The following EPB41L3 variants were observed in gnomAD, a reference collection of about 807,000 sequenced individuals.
EPB41L3 encodes the protein erythrocyte membrane protein band 4.1 like 3.
A neutral mutation model predicts 127.1 loss-of-function variants in EPB41L3; 57 were observed. That is an observed-to-expected ratio of 0.45 (90% CI 0.36 to 0.56). The LOEUF is 0.56. EPB41L3 is among the 20% of genes least tolerant of loss of function. The probability of loss-of-function intolerance (pLI) is 0.00; values close to 1 mark genes in which losing one functional copy is unlikely to be tolerated. For missense variants in EPB41L3, 1,273 were observed against 1,372.2 expected, an observed-to-expected ratio of 0.93 and a Z score of 1.14; for synonymous variants, 572 against 549.5, an observed-to-expected ratio of 1.04 and a Z score of -0.57.
At chr18:5,591,435 G>T (rs2094485159) in intron 3 of EPB41L3, among the ~76,000 whole-genome samples, 1 of 152,160 alleles carries the variant, frequency 6.6e-6, no homozygotes, top group Non-Finnish European at 1.5e-5. Flanking sequence ...GGGTGAGGGG[G>T]TTCCCTTGGG....
At chr18:5,478,096 C>T in intron 3 of EPB41L3, 145 bp downstream of exon 3, 1 of 630,274 alleles carries the variant, frequency 1.6e-6, no homozygotes. Context: ...CTGTTACAGA[C>T]TAGGGAAATA....
At chr18:5,521,446 C>T (rs774418415) in intron 1 of EPB41L3, 3 of 152,292 alleles carry the variant, frequency 2.0e-5, no homozygotes, top group Non-Finnish European at 2.9e-5. Context: ...GTCAGGGTCA[C>T]GTGTGTCACT....
intron 18 of EPB41L3, 104 bp from the exon 19 acceptor site, chr18:5,396,436 A>C (rs2073481828): frequency 7.4e-7 from 1 of 1,343,560 alleles, no homozygotes; most frequent in African/African-American, 1.5e-5. Context: ...TTAGTATGCT[A>C]TAAATGTTTA....
chr18:5,467,418 A>T (rs2085198482), intron 3 of EPB41L3: 1 of 152,204 alleles, frequency 6.6e-6, no homozygotes, highest in South Asian at 2.1e-4. Flanking sequence ...ACAGGATCTG[A>T]GCCCCTTTTC....
At chr18:5,400,998 G>GCT (rs1194061532) in intron 16 of EPB41L3, 1 of 1,533,988 alleles carries the variant, frequency 6.5e-7, no homozygotes, top group Non-Finnish European at 8.7e-7. Context: ...GCGCTTCCTT[G>GCT]CTGCAAAAAT....
upstream of EPB41L3, among the ~76,000 whole-genome samples, chr18:5,547,553 C>G (rs140762042): frequency 1.9e-3 from 285 of 152,226 alleles, 4 homozygotes; most frequent in Admixed American, 9.9e-3. Context: ...TTTCTCTACG[C>G]TAATCTTATT....
upstream of EPB41L3, among the ~76,000 whole-genome samples, chr18:5,629,286 G>A (rs2094960017): frequency 6.6e-6 from 1 of 152,022 alleles, no homozygotes; most frequent in Non-Finnish European, 1.5e-5. Flanking sequence ...CCGGCAGCGC[G>A]GAGTTGCCGG....
chr18:5,495,596 T>C (rs970668517), intron 1 of EPB41L3, among the ~76,000 whole-genome samples: 1 of 146,238 alleles, frequency 6.8e-6, no homozygotes, highest in East Asian at 1.9e-4. Flanking sequence ...AAAGAACACT[T>C]GTCTGATTAA....
intron 1 of EPB41L3, among the ~76,000 whole-genome samples, chr18:5,624,926 T>C (rs2094905503): frequency 6.6e-6 from 1 of 151,994 alleles, no homozygotes; most frequent in Non-Finnish European, 1.5e-5. Flanking sequence ...GAGGTGGTGT[T>C]TGAGTGCAGG....
In EPB41L3 at chr18:5,416,339, G is replaced by T; in HGVS notation, c.1546C>A (p.Pro516Thr). The change falls in exon 13 of 23, where the codon CCA becomes ACA. Residue 516 changes from proline (P) to threonine (T), a missense_variant. This residue lies in a region of EPB41L3 where 765 missense variants were observed against 782.9 expected (regional missense o/e 0.98). Coordinates refer to ENST00000341928, the MANE Select transcript of EPB41L3 (RefSeq NM_012307.5). ...LGTDSCPLSP[P>T]STHCAPTSPT... is the part of the protein sequence containing the mutation. ...GATGTGGGGGCACAATGGGTGGATG[G>T]GGGTGACAAGGGACATGAGTCAGTG... 1 of 1,613,900 alleles carries T rather than the reference G, an allele frequency of 6.2e-7. No individual in the cohort carries two copies.
chr18:5,613,957 T>C (rs933808697), intron 2 of EPB41L3, among the ~76,000 whole-genome samples: 3 of 152,232 alleles, frequency 2.0e-5, no homozygotes, highest in Non-Finnish European at 2.9e-5. Context: ...ATAGATAACA[T>C]GTATAAAAAG....
chr18:5,528,640 C>T (rs1389452741), intron 1 of EPB41L3, among the ~76,000 whole-genome samples: 1 of 152,066 alleles, frequency 6.6e-6, no homozygotes, highest in African/African-American at 2.4e-5. Flanking sequence ...CTCTGTCACC[C>T]AGGCTGGAGT....
chr18:5,488,523 C>G lies in EPB41L3; in HGVS notation c.183+478G>C, dbSNP rs560110566. Among the ~76,000 whole-genome samples, 3 of 151,598 alleles carry G rather than the reference C, an allele frequency of 2.0e-5. No homozygotes were observed. In the South Asian group the frequency reaches 6.3e-4, roughly 32 times the overall value. On this transcript the variant is annotated intron_variant, in intron 2 of 22. Coordinates refer to ENST00000341928, the MANE Select transcript of EPB41L3 (RefSeq NM_012307.5). The stretch of plus-strand genomic sequence containing the variant: ...GCACGTGTATACCTATGTAACAAAC[C>G]TGCACGTTCTGCACATGTGTCCCAG...
At chr18:5,629,293 C>T (rs2094960085), upstream of EPB41L3, among the ~76,000 whole-genome samples, 1 of 151,938 alleles carries the variant, frequency 6.6e-6, no homozygotes, top group Non-Finnish European at 1.5e-5. Context: ...CGCGGAGTTG[C>T]CGGGGTGCAG....
At chr18:5,616,114 A>T (rs2094791855) in intron 1 of EPB41L3, among the ~76,000 whole-genome samples, 2 of 152,068 alleles carry the variant, frequency 1.3e-5, no homozygotes, top group Admixed American at 1.3e-4. Context: ...AAAAATATAG[A>T]ACAATGACAG....
At chr18:5,442,891 A>G (rs1304725328) in intron 5 of EPB41L3, among the ~76,000 whole-genome samples, 1 of 152,174 alleles carries the variant, frequency 6.6e-6, no homozygotes, top group East Asian at 1.9e-4. Context: ...ATACAGACAT[A>G]ATTTTTTAAA....
rs900720702 is a variant in EPB41L3, at chr18:5,420,247, C to A, written c.1340-370G>T. On this transcript the variant is annotated intron_variant, in intron 11 of 22. Coordinates refer to ENST00000341928, the MANE Select transcript of EPB41L3 (RefSeq NM_012307.5). ...GCGAGGCTGCCGCTGGGCATATTATCACCATTGGCTGGCACTGGCACCAGT... is the reference window on the plus strand; with the variant it reads ...GCGAGGCTGCCGCTGGGCATATTATAACCATTGGCTGGCACTGGCACCAGT... The A allele has an allele frequency of 9.0e-5, 28 of 310,012 alleles. No homozygotes were observed. The Admixed American group carries it at 1.0e-3, about 11-fold the overall frequency. The allele number at this position is 310,012 out of a possible 1,614,324, so 19.2% of individuals were successfully genotyped here.
chr18:5,494,201 T>G (rs993881606), intron 1 of EPB41L3, among the ~76,000 whole-genome samples: 2 of 152,106 alleles, frequency 1.3e-5, no homozygotes, highest in African/African-American at 4.8e-5. Flanking sequence ...CCCTGCCTGC[T>G]GCCAACCCCC....
chr18:5,433,348 G>T, intron 8 of EPB41L3, 121 bp downstream of exon 8: 2 of 688,934 alleles, frequency 2.9e-6, no homozygotes, highest in Non-Finnish European at 4.9e-6. Flanking sequence ...GACAAGCAGA[G>T]ATTTGAATTC....
Sources: allele counts gnomAD v4.1 joint callset (sites outside exome capture counted in the v4.1 genomes callset), GRCh38; gene constraint gnomAD v4.1.1; regional missense constraint gnomAD v4.1.1; transcripts MANE v1.5; gene names NCBI Gene and HGNC (gene_info 2026-07-23, HGNC 2026-07-21).